The following SDK1 variants were observed in gnomAD, a reference collection of about 807,000 sequenced individuals.
SDK1 encodes protein sidekick-1.
In SDK1, 157 loss-of-function variants were observed where a neutral mutation model predicts 245.5. That is an observed-to-expected ratio of 0.64 (90% CI 0.56 to 0.73). SDK1 has a LOEUF of 0.73. Among genes scored for constraint, SDK1 ranks in the 30% least tolerant of loss-of-function variants. SDK1 has a pLI of 0.00. For missense variants in SDK1, 3,583 were observed against 3,002.3 expected (o/e 1.19, Z -4.52); for synonymous variants, 1,647 against 1,278.5 (o/e 1.29, Z -6.15).
At chr7:3,465,046 C>T (rs1047860229) in intron 1 of SDK1, among the ~76,000 whole-genome samples, 2 of 152,150 alleles carry the variant, frequency 1.3e-5, no homozygotes, top group Admixed American at 1.3e-4. Context: ...AGGGCACAAA[C>T]TCTTACAGAT....
intron 5 of SDK1, among the ~76,000 whole-genome samples, chr7:3,886,107 A>G (rs1439972819): frequency 6.6e-6 from 1 of 152,244 alleles, no homozygotes; most frequent in Non-Finnish European, 1.5e-5. Context: ...TCAGCCCCTC[A>G]GGAACAAAGG....
At chr7:3,940,175 T>A (rs918484740) in intron 5 of SDK1, among the ~76,000 whole-genome samples, 1 of 151,846 alleles carries the variant, frequency 6.6e-6, no homozygotes, top group Non-Finnish European at 1.5e-5. Context: ...GAACTTCTCA[T>A]TGTCAGAAAG....
intron 4 of SDK1, among the ~76,000 whole-genome samples, chr7:3,686,518 A>G (rs1352078465): frequency 2.0e-5 from 3 of 152,372 alleles, no homozygotes; most frequent in African/African-American, 4.8e-5. Flanking sequence ...ACTCACGCAT[A>G]CATACATTGC....
chr7:4,067,736 A>C, intron 19 of SDK1, 102 bp from the exon 20 acceptor site: 1 of 791,446 alleles, frequency 1.3e-6, no homozygotes, highest in Admixed American at 2.5e-5. Context: ...TTGCAGCCCC[A>C]GCTCACCACT....
At chr7:4,018,979 A>G (rs1240212525) in intron 17 of SDK1, among the ~76,000 whole-genome samples, 1 of 152,190 alleles carries the variant, frequency 6.6e-6, no homozygotes, top group Non-Finnish European at 1.5e-5. Flanking sequence ...GTGGGACGCC[A>G]TTGTTTTCAA....
chr7:3,771,573 T>A (rs1042907010), intron 4 of SDK1, among the ~76,000 whole-genome samples: 1 of 152,226 alleles, frequency 6.6e-6, no homozygotes, highest in African/African-American at 2.4e-5. Context: ...GAGTCATTTC[T>A]CTTTGATTCA....
In SDK1 at chr7:4,109,189, G is replaced by A. The variant is rs535211652; in HGVS notation, c.3325-1474G>A. ...TTCTCTTGGGTCAGTGGCTGGGGGC[G>A]GAGTTGCTGGCTTATGCGGTGACTG... is the stretch of plus-strand genomic sequence containing the variant. On this transcript the variant is annotated intron_variant, in intron 22 of 44. Transcript: ENST00000404826. 7.2e-5 allele frequency among the ~76,000 whole-genome samples: 11 copies of A among 152,302 alleles called. 1 individual carries two copies. The highest frequency in any genetic ancestry group is 1.9e-4 in the East Asian group (1 of 5,178).
chr7:3,909,578 A>C (rs1464035972), intron 5 of SDK1, among the ~76,000 whole-genome samples: 1 of 152,178 alleles, frequency 6.6e-6, no homozygotes, highest in Non-Finnish European at 1.5e-5. Flanking sequence ...TAGTGACCCC[A>C]CCACACCCAC....
At chr7:3,972,315 G>A (rs542829659) in intron 12 of SDK1, among the ~76,000 whole-genome samples, 217 of 152,190 alleles carry the variant, frequency 1.4e-3, no homozygotes, top group African/African-American at 4.9e-3. Context: ...TCTTGACCTC[G>A]TGATCCACCT....
chr7:3,604,518 T>A (rs1189616502), intron 1 of SDK1, among the ~76,000 whole-genome samples: 1 of 152,084 alleles, frequency 6.6e-6, no homozygotes, highest in Admixed American at 6.5e-5. Flanking sequence ...TATTTTGATA[T>A]GCTGTATTTT....
chr7:3,402,488 G>C lies in SDK1; in HGVS notation c.298+100604G>C, dbSNP rs1365981886. ...ATTTTATGACTTCCCATCTGTGGTA[G>C]GTGTTTTATTGAAATTATTTGAATG... On this transcript the variant is annotated intron_variant, in intron 1 of 44. Coordinates refer to ENST00000404826, the MANE Select transcript of SDK1 (RefSeq NM_152744.4). Among the ~76,000 whole-genome samples the C allele has an allele frequency of 3.9e-5, 6 of 152,144 alleles. 1 individual carries two copies. The highest frequency in any genetic ancestry group is 7.2e-5 in the African/African-American group (3 of 41,422).
intron 1 of SDK1, among the ~76,000 whole-genome samples, chr7:3,321,732 C>T (rs1421424266): frequency 2.9e-5 from 3 of 104,464 alleles, no homozygotes; most frequent in Non-Finnish European, 5.9e-5. Context: ...CCTCTCCCTC[C>T]CATCCCCTCC....
intron 4 of SDK1, among the ~76,000 whole-genome samples, chr7:3,679,534 T>C (rs1784032193): frequency 6.6e-6 from 1 of 151,356 alleles, no homozygotes; most frequent in African/African-American, 2.4e-5. Flanking sequence ...GCCACTGCAC[T>C]CCAGCCTGGG....
chr7:4,178,599 C>T lies in SDK1; in HGVS notation c.5098+13C>T, dbSNP rs1562395784. 6.3e-6 allele frequency: 10 copies of T among 1,588,488 alleles called. No individual in the cohort carries two copies. Among genetic ancestry groups the T allele is most frequent in the South Asian group, 3.3e-5 (3 of 90,660 alleles). ...GTCGGCGAGGCTGGTAAGCTCCGTG[C>T]ACCCCCAACCCCACTGCCAGAGAGG... On this transcript the variant is annotated intron_variant, in intron 35 of 44. Transcript: ENST00000404826.
intron 4 of SDK1, among the ~76,000 whole-genome samples, chr7:3,651,746 A>G: frequency 6.6e-6 from 1 of 152,218 alleles, no homozygotes; most frequent in East Asian, 1.9e-4. Flanking sequence ...CAGAACATCA[A>G]AGACAAAGAA....
Position 3,642,092 on chromosome 7 carries a change from C to T in SDK1, c.700C>T (p.Pro234Ser), listed in dbSNP as rs775466781. The T allele has an allele frequency of 1.9e-6, 3 of 1,613,966 alleles. No homozygotes were observed. Among genetic ancestry groups the T allele is most frequent in the East Asian group, 4.5e-5 (2 of 44,872 alleles). The change falls in exon 4 of 45, where the codon CCA becomes TCA. Residue 234 changes from proline to serine, a missense_variant. By Grantham distance (74) the Pro-to-Ser change is moderately conservative. Coordinates refer to ENST00000404826, the MANE Select transcript of SDK1 (RefSeq NM_152744.4). ...GTTTAGAGAAGGGCACAAGATTATTCCAAGCAACAGAATGTAAGTTGCTCC... is the reference window on the plus strand; with the variant it reads ...GTTTAGAGAAGGGCACAAGATTATTTCAAGCAACAGAATGTAAGTTGCTCC... ...TWFREGHKII[P>S]SNRIAITLEN...
At chr7:4,210,604 C>T (rs1784462334) in intron 38 of SDK1, among the ~76,000 whole-genome samples, 1 of 152,194 alleles carries the variant, frequency 6.6e-6, no homozygotes, top group Non-Finnish European at 1.5e-5. Flanking sequence ...ATGCTGGCAT[C>T]CCCGTGTCTT....
intron 22 of SDK1, among the ~76,000 whole-genome samples, chr7:4,091,590 ACCTCAG>A (rs1015696713): frequency 3.3e-5 from 5 of 151,724 alleles, no homozygotes; most frequent in African/African-American, 1.2e-4. Flanking sequence ...TGATCCACCC[ACCTCAG>A]CCTCCAAAGT....
chr7:3,520,401 A>C (rs1922017), intron 1 of SDK1, among the ~76,000 whole-genome samples: 37,892 of 152,066 alleles, frequency 0.25, 4,969 homozygotes, highest in East Asian at 0.34. Flanking sequence ...GTATAGTGCT[A>C]ATGATAACAG....
Sources: gnomAD v4.1 joint callset for allele counts (sites outside exome capture counted in the v4.1 genomes callset) on GRCh38, gnomAD v4.1.1 for gene constraint, MANE v1.5 for transcripts, NCBI Gene and HGNC (gene_info 2026-07-23, HGNC 2026-07-21) for gene names.